IGSF6: variants seen among roughly 807,000 people sequenced by gnomAD.
The protein encoded by IGSF6 is down-regulated by activation (immunoglobulin superfamily).
IGSF6 carries 23 observed loss-of-function variants against 24.7 expected under a neutral mutation model. The observed-to-expected ratio is 0.93, with a 90% CI of 0.67 to 1.32. IGSF6 has a LOEUF of 1.32. IGSF6 is among the 40% of genes most tolerant of loss of function. The pLI is 0.00. For missense variants in IGSF6, 295 were observed against 293.6 expected (o/e 1.00, Z -0.04); for synonymous variants, 110 against 113.7 (o/e 0.97, Z 0.21).
intron 1 of IGSF6, among the ~76,000 whole-genome samples, chr16:21,649,229 G>C (rs1966506758): frequency 6.6e-6 from 1 of 152,148 alleles, no homozygotes; most frequent in Non-Finnish European, 1.5e-5. Context: ...CTAAACTCAA[G>C]CGACCCGCTT....
intron 3 of IGSF6, 58 bp from the exon 4 acceptor site, chr16:21,643,656 C>A: frequency 8.9e-7 from 1 of 1,118,580 alleles, no homozygotes; most frequent in Non-Finnish European, 1.3e-6. Flanking sequence ...ACAATGGTGG[C>A]AGATATCTCA....
chr16:21,644,268 C>A (rs1474677927), intron 3 of IGSF6, 22 bp downstream of exon 3: 11 of 1,482,924 alleles, frequency 7.4e-6, no homozygotes, highest in Admixed American at 1.7e-5. Context: ...AGGGACATTC[C>A]ATGCAAGAGG....
Position 21,647,427 on chromosome 16 carries a change from C to T in IGSF6, c.133G>A (p.Glu45Lys). ...AAGGTACACTTTATGGTGACGGCCT[C>T]ATGAGTGTAGTCCACTTCTAGGTAC... Reference protein sequence around the residue: ...PWYLEVDYTHEAVTIKCTFSA... With the variant: ...PWYLEVDYTHKAVTIKCTFSA... The change falls in exon 2 of 6, where the codon GAG becomes AAG. Residue 45 changes from glutamate (E) to lysine (K), a missense_variant. Glu to Lys is a moderately conservative substitution (Grantham distance 56). Coordinates refer to ENST00000268389, the MANE Select transcript of IGSF6 (RefSeq NM_005849.4). The T allele has an allele frequency of 6.2e-7, 1 of 1,614,072 alleles. No individual in the cohort carries two copies.
intron 1 of IGSF6, among the ~76,000 whole-genome samples, chr16:21,650,539 G>T (rs1229902623): frequency 6.6e-6 from 1 of 151,562 alleles, no homozygotes; most frequent in East Asian, 1.9e-4. Flanking sequence ...TAGAGGTTGG[G>T]GTGGCGGGGA....
At chr16:21,650,267 G>T (rs1442653353) in intron 1 of IGSF6, among the ~76,000 whole-genome samples, 1 of 152,214 alleles carries the variant, frequency 6.6e-6, no homozygotes, top group Non-Finnish European at 1.5e-5. Context: ...AGCACTTTGG[G>T]ATGCCGAGGC....
Position 21,640,660 on chromosome 16 carries a change from G to A in IGSF6, c.*874C>T, listed in dbSNP as rs1055784181. The A allele has an allele frequency of 2.7e-5, 4 of 150,692 alleles. No homozygotes were observed. In the East Asian group the frequency reaches 7.8e-4, roughly 29 times the overall value. The allele number at this position is 150,692 out of a possible 1,614,324, so 9.3% of individuals were successfully genotyped here. ...TGCGTACCTGTAATCCCAGCTACTTGGGAAACTGAGGCAGAAGAATGGCAT... is the reference window on the plus strand; with the variant it reads ...TGCGTACCTGTAATCCCAGCTACTTAGGAAACTGAGGCAGAAGAATGGCAT... On this transcript the variant is annotated 3_prime_UTR_variant, in exon 6 of 6. Transcript: ENST00000268389.
Position 21,641,490 on chromosome 16 carries a change from C to T in IGSF6, c.*44G>A, listed in dbSNP as rs756929837. Reference sequence around the variant, plus strand: ...ATGTTCATTAACACTGCCATAGCTCCTGGAGTTGGATTTTCAGTGACTTCA... The same window carrying T: ...ATGTTCATTAACACTGCCATAGCTCTTGGAGTTGGATTTTCAGTGACTTCA... On this transcript the variant is annotated 3_prime_UTR_variant, in exon 6 of 6. Coordinates refer to ENST00000268389, the MANE Select transcript of IGSF6 (RefSeq NM_005849.4). The T allele has an allele frequency of 8.4e-7, 1 of 1,192,732 alleles. No individual in the cohort carries two copies. The highest frequency in any genetic ancestry group is 2.4e-5 in the East Asian group (1 of 41,844). The allele number at this position is 1,192,732 out of a possible 1,614,324, so 73.9% of individuals were successfully genotyped here.
chr16:21,649,699 C>T (rs1299921776), intron 1 of IGSF6, among the ~76,000 whole-genome samples: 4 of 151,954 alleles, frequency 2.6e-5, no homozygotes, highest in African/African-American at 9.7e-5. Context: ...TGGACGATTC[C>T]ATTATTTACA....
At chr16:21,644,801 C>T (rs1966382478) in intron 2 of IGSF6, among the ~76,000 whole-genome samples, 1 of 152,126 alleles carries the variant, frequency 6.6e-6, no homozygotes, top group African/African-American at 2.4e-5. Flanking sequence ...AAGATATTTT[C>T]ATATGTATTT....
intron 1 of IGSF6, among the ~76,000 whole-genome samples, chr16:21,650,557 C>CT (rs1486643256): frequency 6.7e-6 from 1 of 149,750 alleles, no homozygotes; most frequent in African/African-American, 2.5e-5. Context: ...GGATAGCTGA[C>CT]TTTCAACACT....
At chr16:21,652,428 TAC>T in intron 1 of IGSF6, 102 bp downstream of exon 1, 1 of 849,124 alleles carries the variant, frequency 1.2e-6, no homozygotes, top group Non-Finnish European at 1.9e-6. Flanking sequence ...CATAATGTTA[TAC>T]ATTTAAAAAT....
chr16:21,648,830 C>G (rs1028822731), intron 1 of IGSF6, among the ~76,000 whole-genome samples: 1 of 152,190 alleles, frequency 6.6e-6, no homozygotes, highest in Non-Finnish European at 1.5e-5. Context: ...GTAAATGAAA[C>G]TGAAAAGTCA....
intron 2 of IGSF6, chr16:21,646,265 T>C (rs781677670): frequency 3.9e-5 from 6 of 152,124 alleles, no homozygotes; most frequent in Non-Finnish European, 1.5e-5. Context: ...GGCTGAGGAA[T>C]TGTCATGGGT....
At chr16:21,646,746 C>A (rs1966439639) in intron 2 of IGSF6, 1 of 292,330 alleles carries the variant, frequency 3.4e-6, no homozygotes, top group East Asian at 8.8e-5. Flanking sequence ...CCTTCGCCTC[C>A]TGGGTTACAA....
intron 5 of IGSF6, chr16:21,642,226 G>A (rs1966291243): frequency 6.6e-6 from 1 of 151,918 alleles, no homozygotes; most frequent in Non-Finnish European, 1.5e-5. Flanking sequence ...GTCTCCTGAT[G>A]CATTTGCCCT....
intron 2 of IGSF6, 93 bp from the exon 3 acceptor site, chr16:21,644,489 G>C (rs1308992617): frequency 1.2e-6 from 1 of 830,650 alleles, no homozygotes; most frequent in East Asian, 2.7e-5. Flanking sequence ...CGTTTTAGAG[G>C]TGAAACGTGA....
intron 4 of IGSF6, 104 bp from the exon 5 acceptor site, chr16:21,643,258 A>C (rs1435472048): frequency 1.2e-6 from 1 of 805,650 alleles, no homozygotes; most frequent in South Asian, 1.4e-5. Context: ...GGTCCCAAAA[A>C]CTACCCCCTC....
chr16:21,644,114 T>A (rs1008234259), intron 3 of IGSF6, among the ~76,000 whole-genome samples, 176 bp downstream of exon 3: 2 of 152,196 alleles, frequency 1.3e-5, no homozygotes, highest in African/African-American at 4.8e-5. Flanking sequence ...GATGAGAATG[T>A]ATGATGCCTT....
chr16:21,643,858 T>C (rs1450844296), intron 3 of IGSF6, among the ~76,000 whole-genome samples: 1 of 152,230 alleles, frequency 6.6e-6, no homozygotes, highest in Non-Finnish European at 1.5e-5. Context: ...AAGGTATTCT[T>C]TTTTAATAAC....
Sources: gnomAD v4.1 joint callset for allele counts (sites outside exome capture counted in the v4.1 genomes callset) on GRCh38, gnomAD v4.1.1 for gene constraint, MANE v1.5 for transcripts, NCBI Gene and HGNC (gene_info 2026-07-23, HGNC 2026-07-21) for gene names.